Variants in METTL8 observed in about 807,000 individuals in gnomAD.
METTL8 encodes the protein tRNA N(3)-cytidine methyltransferase METTL8, mitochondrial.
A neutral mutation model predicts 48.7 loss-of-function variants in METTL8; 32 were observed. The ratio of observed to expected loss-of-function variants is 0.66; its 90% CI spans 0.50 to 0.88. METTL8 has a LOEUF of 0.88. Ranked by LOEUF, METTL8 falls within the 40% of genes least tolerant of loss-of-function variation. The pLI, the probability that METTL8 is intolerant of heterozygous loss-of-function variation, is 0.00. For missense variants in METTL8, 464 were observed against 474.4 expected, an observed-to-expected ratio of 0.98 and a Z score of 0.20; for synonymous variants, 136 against 157.1, an observed-to-expected ratio of 0.87 and a Z score of 1.01.
chr2:171,335,164 G>A (rs1004561451), intron 5 of METTL8, among the ~76,000 whole-genome samples: 1 of 152,048 alleles, frequency 6.6e-6, no homozygotes, highest in African/African-American at 2.4e-5. Context: ...AAACAGAAAG[G>A]ACATTCAGAA....
chr2:171,378,800 A>G (rs1248860175), intron 2 of METTL8, among the ~76,000 whole-genome samples: 2 of 152,132 alleles, frequency 1.3e-5, no homozygotes, highest in African/African-American at 4.8e-5. Flanking sequence ...CTGCCACACA[A>G]TAGTGGTGGG....
In METTL8 at chr2:171,353,181, T is replaced by C. The variant is rs1412751901; in HGVS notation, c.235+7241A>G. On this transcript the variant is annotated intron_variant, in intron 3 of 9. Transcript: ENST00000375258. ...CTGGTATGTTGTATCTTTGTTCTCA[T>C]TGGTTTCAAAGAACATCTTTATTTC... Among the ~76,000 whole-genome samples the C allele has an allele frequency of 5.9e-5, 9 of 152,334 alleles. No individual in the cohort carries two copies. The South Asian group carries it at 8.3e-4, about 14-fold the overall frequency.
chr2:171,390,857 G>C (rs1057463847), intron 2 of METTL8, among the ~76,000 whole-genome samples: 5 of 152,060 alleles, frequency 3.3e-5, no homozygotes, highest in Admixed American at 2.0e-4. Context: ...ACATAATTTA[G>C]ACAACAAAGA....
intron 3 of METTL8, among the ~76,000 whole-genome samples, chr2:171,352,868 T>A (rs930478787): frequency 1.3e-5 from 2 of 152,220 alleles, no homozygotes; most frequent in Non-Finnish European, 2.9e-5. Context: ...TTTTCTTCTT[T>A]ATTAGTCTTG....
intron 1 of METTL8, among the ~76,000 whole-genome samples, chr2:171,418,479 C>A (rs1274553099): frequency 6.6e-6 from 1 of 152,132 alleles, no homozygotes; most frequent in South Asian, 2.1e-4. Flanking sequence ...AATATCTACA[C>A]AAAATATTTG....
intron 2 of METTL8, among the ~76,000 whole-genome samples, chr2:171,366,695 A>G (rs1440818311): frequency 2.0e-5 from 3 of 152,148 alleles, no homozygotes; most frequent in African/African-American, 4.8e-5. Flanking sequence ...AAAAAAGGAA[A>G]TTCTAGAACA....
intron 2 of METTL8, among the ~76,000 whole-genome samples, chr2:171,381,673 G>A (rs1687550634): frequency 1.3e-5 from 2 of 151,978 alleles, no homozygotes; most frequent in Non-Finnish European, 2.9e-5. Flanking sequence ...GATCTTTAGT[G>A]AAATGCAAAT....
At chr2:171,422,421 T>G (rs972045315) in intron 1 of METTL8, among the ~76,000 whole-genome samples, 1 of 152,212 alleles carries the variant, frequency 6.6e-6, no homozygotes, top group Non-Finnish European at 1.5e-5. Flanking sequence ...CTTTATGACC[T>G]CAAGTTAAGC....
intron 2 of METTL8, among the ~76,000 whole-genome samples, chr2:171,380,434 A>T (rs951323943): frequency 6.6e-6 from 1 of 152,242 alleles, no homozygotes; most frequent in African/African-American, 2.4e-5. Flanking sequence ...AAGTGTATTC[A>T]AATAGGAAGA....
At position 171,321,901 on chromosome 2, in the gene METTL8, T is replaced by A. The variant is rs1355739402; in HGVS notation, c.*2271A>T. On this transcript the variant is annotated 3_prime_UTR_variant, in exon 10 of 10. Transcript: ENST00000375258. ...TATGAGACTAATCTTAAAAACTTCA[T>A]TTCTACAAAATGTGATTTGCAAGCC... 5 of 152,162 alleles carry A rather than the reference T, an allele frequency of 3.3e-5. No individual in the cohort carries two copies. Among genetic ancestry groups the A allele is most frequent in the Admixed American group, 3.3e-4 (5 of 15,270 alleles). The allele number at this position is 152,162 out of a possible 1,614,324, so 9.4% of individuals were successfully genotyped here.
At chr2:171,397,076 C>T (rs989269821) in intron 1 of METTL8, among the ~76,000 whole-genome samples, 41 of 151,544 alleles carry the variant, frequency 2.7e-4, no homozygotes, top group African/African-American at 9.7e-4. Context: ...CCCACCTCAG[C>T]CTCCCAAAGT....
At chr2:171,393,171 A>G (rs540781384) in intron 1 of METTL8, among the ~76,000 whole-genome samples, 1 of 151,990 alleles carries the variant, frequency 6.6e-6, no homozygotes, top group Non-Finnish European at 1.5e-5. Flanking sequence ...CTATAATCCC[A>G]ACATTTTGGG....
intron 2 of METTL8, among the ~76,000 whole-genome samples, chr2:171,373,264 C>T (rs566463664): frequency 6.6e-5 from 10 of 152,210 alleles, no homozygotes; most frequent in East Asian, 1.9e-4. Flanking sequence ...ATGTGTCTGT[C>T]GGCTGCATAA....
intron 3 of METTL8, among the ~76,000 whole-genome samples, chr2:171,356,952 A>ATGTTTTTTTTTTGTTTTTTT: frequency 2.5e-5 from 2 of 78,466 alleles, no homozygotes; most frequent in African/African-American, 4.5e-5. Flanking sequence ...CAAAGACAAT[A>ATGTTTTTTTTTTGTTTTTTT]TTTTTTTTTT....
chr2:171,378,842 A>G (rs187114753), intron 2 of METTL8, among the ~76,000 whole-genome samples: 1 of 152,326 alleles, frequency 6.6e-6, no homozygotes, highest in Admixed American at 6.5e-5. Flanking sequence ...AATACTGGAC[A>G]GATCAACAAG....
intron 2 of METTL8, among the ~76,000 whole-genome samples, chr2:171,364,959 T>C (rs1685565068): frequency 6.6e-6 from 1 of 152,240 alleles, no homozygotes; most frequent in African/African-American, 2.4e-5. Context: ...ATATTTATTC[T>C]TAGGTTAAAG....
intron 3 of METTL8, among the ~76,000 whole-genome samples, chr2:171,346,563 C>T (rs773572983): frequency 3.9e-5 from 6 of 152,054 alleles, no homozygotes; most frequent in Non-Finnish European, 8.8e-5. Context: ...GGAGAACAAC[C>T]AGTACTTCCT....
In METTL8 at chr2:171,319,300, G is replaced by GGCAGGAA. The variant is rs1306145113; in HGVS notation, c.*4865_*4871dup. The GGCAGGAA allele has an allele frequency of 6.6e-6, 1 of 152,218 alleles. No homozygotes were observed. Among genetic ancestry groups the GGCAGGAA allele is most frequent in the Non-Finnish European group, 1.5e-5 (1 of 68,040 alleles). 9.4% of individuals were successfully genotyped at this position (152,218 alleles called of 1,614,324 possible). ...ACTAAGTCTCCTGATGACTAACAGA[G>GGCAGGAA]GCAGGAAGCAGGAGGAGCAGAGGCT... On this transcript the variant is annotated 3_prime_UTR_variant, in exon 10 of 10. Transcript: ENST00000375258.
chr2:171,364,759 T>C (rs563561136), intron 2 of METTL8, among the ~76,000 whole-genome samples: 19 of 152,282 alleles, frequency 1.2e-4, no homozygotes, highest in African/African-American at 4.6e-4. Flanking sequence ...CTGCTGAATG[T>C]AGTGTTGCTT....
Sources: gnomAD v4.1 joint callset for allele counts (sites outside exome capture counted in the v4.1 genomes callset) on GRCh38, gnomAD v4.1.1 for gene constraint, MANE v1.5 for transcripts, NCBI Gene and HGNC (gene_info 2026-07-23, HGNC 2026-07-21) for gene names.